The following BCAR3 variants were observed in gnomAD, a reference collection of about 807,000 sequenced individuals.
BCAR3 encodes the protein BCAR3 adaptor protein, NSP family member.
BCAR3 carries 37 observed loss-of-function variants against 80.1 expected under a neutral mutation model. That is an observed-to-expected ratio of 0.46 (90% CI 0.36 to 0.61). The LOEUF is 0.61. BCAR3 is among the 20% of genes least tolerant of loss of function. BCAR3 has a pLI of 0.00. For synonymous variants in BCAR3, 389 were observed against 418.9 expected (o/e 0.93, Z 0.87); for missense variants, 978 against 1,068.2 (o/e 0.92, Z 1.18).
intron 2 of BCAR3, among the ~76,000 whole-genome samples, chr1:93,645,298 G>T (rs1676119134): frequency 6.6e-6 from 1 of 151,948 alleles, no homozygotes; most frequent in Admixed American, 6.6e-5. Flanking sequence ...ATGTGAGAAA[G>T]AAATACTCTA....
intron 3 of BCAR3, among the ~76,000 whole-genome samples, chr1:93,703,062 T>C (rs1649703304): frequency 6.6e-6 from 1 of 152,112 alleles, no homozygotes; most frequent in Non-Finnish European, 1.5e-5. Flanking sequence ...GTGTCCTGCT[T>C]TACTTAACTC....
intron 2 of BCAR3, among the ~76,000 whole-genome samples, chr1:93,825,126 G>A (rs936452528): frequency 7.5e-6 from 1 of 134,000 alleles, no homozygotes; most frequent in African/African-American, 2.5e-5. Flanking sequence ...CCACATCCAA[G>A]GTCAAGTTCA....
In BCAR3 at chr1:93,634,295, G is replaced by C. The variant is rs374082209; in HGVS notation, c.357+8009C>G. ...CAAATCTCATCTTGAATTCCCATGT[G>C]TTGTGGGAGGGACCTGGTGGGAGGT... is the stretch of plus-strand genomic sequence containing the variant. On this transcript the variant is annotated intron_variant, in intron 3 of 11. Coordinates refer to ENST00000260502, the MANE Select transcript of BCAR3 (RefSeq NM_003567.4). 5.3e-5 allele frequency among the ~76,000 whole-genome samples: 8 copies of C among 152,290 alleles called. No individual in the cohort carries two copies. In the East Asian group the frequency reaches 9.7e-4, roughly 18 times the overall value.
At chr1:93,845,494 A>ATC (rs1557708520) in intron 2 of BCAR3, 10 of 12,510 alleles carry the variant, frequency 8.0e-4, no homozygotes, top group Non-Finnish European at 1.7e-3. Context: ...ATATATATAT[A>ATC]TATATATAAA....
intron 2 of BCAR3, among the ~76,000 whole-genome samples, chr1:93,754,779 A>G (rs1471017204): frequency 1.3e-5 from 2 of 152,190 alleles, no homozygotes; most frequent in Admixed American, 1.3e-4. Context: ...ATGATAATAA[A>G]TGACTATGAT....
At chr1:93,820,480 A>G (rs1362100416) in intron 2 of BCAR3, among the ~76,000 whole-genome samples, 1 of 152,188 alleles carries the variant, frequency 6.6e-6, no homozygotes, top group Non-Finnish European at 1.5e-5. Context: ...AATTTGCTAT[A>G]ATGCTTCTCA....
intron 8 of BCAR3, among the ~76,000 whole-genome samples, chr1:93,574,122 T>C (rs1012808132): frequency 6.6e-6 from 1 of 152,302 alleles, no homozygotes. Context: ...TGAATGGTTA[T>C]ATCCATTCAC....
In BCAR3 at chr1:93,711,010, T is replaced by C. The variant is rs77221599; in HGVS notation, c.-62-4868A>G. Among the ~76,000 whole-genome samples the C allele has an allele frequency of 8.7e-3, 1,329 of 151,950 alleles. 19 individuals are homozygous for C. The highest frequency in any genetic ancestry group is 0.031 in the African/African-American group (1,288 of 41,438). Reference sequence around the variant, plus strand: ...GCTATGGGTGGAGATCTCAGTTCCTTACCATATGACCCCTCCATGGGCTGA... The same window carrying C: ...GCTATGGGTGGAGATCTCAGTTCCTCACCATATGACCCCTCCATGGGCTGA... On this transcript the variant is annotated intron_variant, in intron 2 of 13. Transcript: ENST00000370244.
chr1:93,725,236 C>A (rs1221258942), intron 2 of BCAR3, among the ~76,000 whole-genome samples: 1 of 152,150 alleles, frequency 6.6e-6, no homozygotes, highest in African/African-American at 2.4e-5. Flanking sequence ...CCAGTAGGCA[C>A]TCAAAAATAT....
At chr1:93,626,147 A>G (rs61780979) in intron 3 of BCAR3, among the ~76,000 whole-genome samples, 20,616 of 152,244 alleles carry the variant, frequency 0.14, 1,481 homozygotes, top group African/African-American at 0.18. Context: ...CAGAGGTGTC[A>G]CAATCCACTC....
chr1:93,583,080 C>T, intron 6 of BCAR3, 127 bp from the exon 7 acceptor site: 3 of 1,157,516 alleles, frequency 2.6e-6, no homozygotes, highest in South Asian at 1.6e-5. Context: ...TTTTCATTTC[C>T]AAAAGAAAAT....
intron 3 of BCAR3, among the ~76,000 whole-genome samples, chr1:93,593,754 A>ACAG (rs1328028590): frequency 2.0e-5 from 3 of 151,178 alleles, no homozygotes; most frequent in Non-Finnish European, 4.4e-5. Flanking sequence ...AACAACAACA[A>ACAG]CAAAGCCCTG....
At chr1:93,784,375 G>T (rs567326513) in intron 2 of BCAR3, among the ~76,000 whole-genome samples, 2 of 152,084 alleles carry the variant, frequency 1.3e-5, no homozygotes, top group Non-Finnish European at 2.9e-5. Flanking sequence ...GATCAAGTGG[G>T]GGAACTGCCT....
intron 5 of BCAR3, chr1:93,584,841 G>T (rs1673877740): frequency 2.6e-6 from 1 of 387,952 alleles, no homozygotes; most frequent in South Asian, 1.1e-4. Flanking sequence ...AATTTCTCCA[G>T]CACCAAGCAC....
chr1:93,761,592 C>T (rs1033873855), intron 2 of BCAR3, among the ~76,000 whole-genome samples: 2 of 152,146 alleles, frequency 1.3e-5, no homozygotes, highest in African/African-American at 4.8e-5. Context: ...AGATGAATTA[C>T]CTTGAGAGCA....
intron 2 of BCAR3, among the ~76,000 whole-genome samples, chr1:93,669,802 T>C (rs56289579): frequency 0.051 from 7,839 of 152,246 alleles, 277 homozygotes; most frequent in Non-Finnish European, 0.069. Flanking sequence ...CTGGATGAGA[T>C]TGGAGACTAT....
intron 3 of BCAR3, among the ~76,000 whole-genome samples, chr1:93,704,771 T>C (rs1401204690): frequency 6.6e-6 from 1 of 152,182 alleles, no homozygotes; most frequent in East Asian, 1.9e-4. Context: ...TTATTCGAGG[T>C]AATAACATTA....
At chr1:93,806,471 T>C (rs192358899) in intron 2 of BCAR3, among the ~76,000 whole-genome samples, 1 of 152,194 alleles carries the variant, frequency 6.6e-6, no homozygotes, top group Non-Finnish European at 1.5e-5. Flanking sequence ...TCTTAGGTAA[T>C]CTCTTGGAAC....
At chr1:93,576,172 G>GCTCA in intron 7 of BCAR3, 43 bp from the exon 8 acceptor site, 1 of 1,478,566 alleles carries the variant, frequency 6.8e-7, no homozygotes, top group Non-Finnish European at 9.5e-7. Context: ...CAGGAAGTGG[G>GCTCA]CTTGCCTGAT....
Sources: allele counts gnomAD v4.1 joint callset (sites outside exome capture counted in the v4.1 genomes callset), GRCh38; gene constraint gnomAD v4.1.1; transcripts MANE v1.5; gene names NCBI Gene and HGNC (gene_info 2026-07-23, HGNC 2026-07-21).